NDRG4: variants seen among roughly 807,000 people sequenced by gnomAD.
The protein encoded by NDRG4 is protein NDRG4.
In NDRG4, 38 loss-of-function variants were observed where a neutral mutation model predicts 55.8. That is an observed-to-expected ratio of 0.68 (90% confidence interval 0.53 to 0.89). The LOEUF (loss-of-function observed/expected upper bound fraction) is 0.89. Ranked by LOEUF, NDRG4 falls within the 40% of genes least tolerant of loss-of-function variation. The pLI is 0.00. For synonymous variants in NDRG4, 190 were observed against 182.7 expected, an observed-to-expected ratio of 1.04 and a Z score of -0.32; for missense variants, 455 against 468.6, an observed-to-expected ratio of 0.97 and a Z score of 0.27.
chr16:58,503,807 A>G lies in NDRG4; in HGVS notation c.31A>G (p.Ile11Val), dbSNP rs1371008700. Reference sequence around the variant, plus strand: ...GGTCTCTCCCCTTCAGGAACATGACATCGAGACACCCTACGGCCTTCTGCA... The same window carrying G: ...GGTCTCTCCCCTTCAGGAACATGACGTCGAGACACCCTACGGCCTTCTGCA... MPECWDGEHD[I>V]ETPYGLLHVV... The change falls in exon 2 of 15, where the codon ATC becomes GTC. Residue 11 changes from isoleucine to valine, a missense_variant. Transcript: ENST00000570248. 1 of 1,613,940 alleles carries G rather than the reference A, an allele frequency of 6.2e-7. No homozygotes were observed. The highest frequency in any genetic ancestry group is 8.5e-7 in the Non-Finnish European group (1 of 1,179,972).
intron 1 of NDRG4, among the ~76,000 whole-genome samples, chr16:58,468,261 C>T (rs1225218415): frequency 6.6e-6 from 1 of 152,182 alleles, no homozygotes; most frequent in Admixed American, 6.5e-5. Context: ...GAGGCCATTT[C>T]CAGGCGCCTC....
upstream of NDRG4, chr16:58,499,731 C>G (rs967959823): frequency 5.4e-6 from 1 of 183,492 alleles, no homozygotes; most frequent in African/African-American, 2.4e-5. Context: ...AGGGCTCTAG[C>G]TGTCTGGGCA....
intron 8 of NDRG4, 27 bp from the exon 9 acceptor site, chr16:58,507,781 G>T (rs778889152): frequency 4.3e-6 from 7 of 1,611,436 alleles, no homozygotes; most frequent in Non-Finnish European, 5.9e-6. Context: ...GCCCACCTCT[G>T]CCTCTGCCCC....
chr16:58,511,251 G>A (rs879391224), intron 14 of NDRG4, 171 bp from the exon 15 acceptor site: 8 of 724,438 alleles, frequency 1.1e-5, no homozygotes, highest in Admixed American at 7.4e-5. Flanking sequence ...CACTGTCGCC[G>A]GCCCTGCATG....
At chr16:58,515,166 T>C (rs1218199488), downstream of NDRG4, among the ~76,000 whole-genome samples, 2 of 152,054 alleles carry the variant, frequency 1.3e-5, no homozygotes, top group Non-Finnish European at 2.9e-5. Context: ...CGCCGCCCAG[T>C]TGCGTCGCTC....
At chr16:58,506,315 G>T in intron 5 of NDRG4, 72 bp from the exon 6 acceptor site, 1 of 1,453,944 alleles carries the variant, frequency 6.9e-7, no homozygotes. Context: ...GCACCTTGAA[G>T]ACTTTACAGA....
At chr16:58,501,128 C>A in intron 1 of NDRG4, 1 of 1,178,156 alleles carries the variant, frequency 8.5e-7, no homozygotes, top group Non-Finnish European at 1.1e-6. Context: ...GCAGACTCAC[C>A]CCCACCCCCG....
At chr16:58,479,078 G>A (rs1362911307) in intron 1 of NDRG4, among the ~76,000 whole-genome samples, 3 of 152,064 alleles carry the variant, frequency 2.0e-5, no homozygotes, top group African/African-American at 4.8e-5. Flanking sequence ...GCCCAGGCTG[G>A]AGTGCAATGG....
In NDRG4 at chr16:58,510,277, G is replaced by A. The variant is rs191222059; in HGVS notation, c.866-368G>A. Among the ~76,000 whole-genome samples the A allele has an allele frequency of 1.8e-4, 27 of 152,340 alleles. 1 individual carries two copies. The highest frequency in any genetic ancestry group is 1.3e-3 in the Admixed American group (20 of 15,306). On this transcript the variant is annotated intron_variant, in intron 13 of 14. Transcript: ENST00000570248. Reference sequence around the variant, plus strand: ...GGTGAACGGAAGAACATTGTCAGGCGCTGAGACGCGTTCTCAGGGTCCTGG... The same window carrying A: ...GGTGAACGGAAGAACATTGTCAGGCACTGAGACGCGTTCTCAGGGTCCTGG...
chr16:58,466,070 G>A (rs1199128075), intron 1 of NDRG4, among the ~76,000 whole-genome samples: 1 of 152,214 alleles, frequency 6.6e-6, no homozygotes, highest in Admixed American at 6.5e-5. Flanking sequence ...AGGCTGGAGT[G>A]CAGTGGCACA....
chr16:58,470,213 G>T (rs1223291580), intron 1 of NDRG4, among the ~76,000 whole-genome samples: 1 of 152,080 alleles, frequency 6.6e-6, no homozygotes, highest in Non-Finnish European at 1.5e-5. Flanking sequence ...TCTTCTGAAG[G>T]CTAATTTTTT....
At chr16:58,487,718 C>A (rs999393761) in intron 1 of NDRG4, 29 of 1,452,520 alleles carry the variant, frequency 2.0e-5, no homozygotes, top group Non-Finnish European at 2.7e-5. Context: ...CCGGGCGTCC[C>A]CGCCGCAGCA....
chr16:58,506,758 C>A, intron 7 of NDRG4, 144 bp downstream of exon 7: 1 of 1,173,298 alleles, frequency 8.5e-7, no homozygotes, highest in Non-Finnish European at 1.2e-6. Context: ...CATCCCCTCC[C>A]AAGGCCCCAC....
In NDRG4 at chr16:58,504,055, G is replaced by A. The variant is rs369591277; in HGVS notation, c.128-99G>A. 721 of 1,589,744 alleles carry A rather than the reference G, an allele frequency of 4.5e-4. 10 individuals are homozygous for A. The East Asian group carries it at 0.011, about 24-fold the overall frequency. The stretch of plus-strand genomic sequence containing the variant: ...GGGCCTCCATTTCCCCGACGGACCC[G>A]AGGCTTACACTTCTGCCTTGCCTGC... On this transcript the variant is annotated intron_variant, in intron 2 of 14. Transcript: ENST00000570248.
chr16:58,503,004 G>A (rs1337908716), intron 1 of NDRG4, among the ~76,000 whole-genome samples: 1 of 152,210 alleles, frequency 6.6e-6, no homozygotes, highest in African/African-American at 2.4e-5. Flanking sequence ...TCTAGTTCCC[G>A]CAAAGTCCCT....
chr16:58,504,742 G>A, intron 5 of NDRG4, 93 bp downstream of exon 5: 4 of 1,391,226 alleles, frequency 2.9e-6, no homozygotes, highest in Non-Finnish European at 4.1e-6. Context: ...CAGCCTTGAG[G>A]AAGTGTCCCT....
rs184545228 is a variant in NDRG4 at position 58,503,519 on chromosome 16, C to T, written c.22-279C>T. On this transcript the variant is annotated intron_variant, in intron 1 of 14. Transcript: ENST00000570248. Reference sequence around the variant, plus strand: ...AACAGCCTCCCTGGACCCTCAAGGGCGGAGGACAGTGACAGCACAAACCAG... The same window carrying T: ...AACAGCCTCCCTGGACCCTCAAGGGTGGAGGACAGTGACAGCACAAACCAG... Among the ~76,000 whole-genome samples, 445 of 152,186 alleles carry T rather than the reference C, an allele frequency of 2.9e-3. 2 individuals are homozygous for T. The highest frequency in any genetic ancestry group is 9.5e-3 in the African/African-American group (396 of 41,516).
In NDRG4 at chr16:58,464,936, G is replaced by A; in HGVS notation, c.-24+1139G>A. On this transcript the variant is annotated intron_variant, in intron 1 of 15. Transcript: ENST00000258187. The surrounding 1 kb of genome is among the most constrained non-coding windows in gnomAD (Gnocchi z 4.8). Reference sequence around the variant, plus strand: ...CGACGCCAAGTGGCCTGGGAAGTGGGAAGCCAGATTGGACCCTACTGACTG... The same window carrying A: ...CGACGCCAAGTGGCCTGGGAAGTGGAAAGCCAGATTGGACCCTACTGACTG... 1 of 1,175,902 alleles carries A rather than the reference G, an allele frequency of 8.5e-7. No individual in the cohort carries two copies. Among genetic ancestry groups the A allele is most frequent in the South Asian group, 1.6e-5 (1 of 62,642 alleles). 72.8% of individuals were successfully genotyped at this position (1,175,902 alleles called of 1,614,324 possible).
intron 14 of NDRG4, 89 bp from the exon 15 acceptor site, chr16:58,511,333 C>G: frequency 7.0e-7 from 1 of 1,432,388 alleles, no homozygotes; most frequent in South Asian, 1.4e-5. Context: ...GAACGGTTCG[C>G]TGGCCGCTTT....
Sources: gnomAD v4.1 joint callset for allele counts (sites outside exome capture counted in the v4.1 genomes callset) on GRCh38, gnomAD v4.1.1 for gene constraint, Gnocchi (gnomAD v3.1) non-coding constraint, MANE v1.5 for transcripts, NCBI Gene and HGNC (gene_info 2026-07-23, HGNC 2026-07-21) for gene names.